The following NDUFA8 variants were observed in gnomAD, a reference collection of about 807,000 sequenced individuals.
NDUFA8 encodes NADH dehydrogenase [ubiquinone] 1 alpha subcomplex subunit 8.
Under a neutral mutation model 20.9 loss-of-function variants are expected in NDUFA8, and 16 were observed. The ratio of observed to expected loss-of-function variants is 0.77; its 90% CI spans 0.52 to 1.16. NDUFA8 has a LOEUF of 1.16. Ranked by LOEUF, NDUFA8 falls within the 50% of genes most tolerant of loss-of-function variation. The pLI is 0.00. For missense variants in NDUFA8, 202 were observed against 216.4 expected (o/e 0.93, Z 0.42); for synonymous variants, 70 against 76.1 (o/e 0.92, Z 0.41).
the NDUFA8 span, among the ~76,000 whole-genome samples, chr9:122,138,815 G>T: frequency 7.3e-6 from 1 of 137,094 alleles, no homozygotes; most frequent in African/African-American, 2.6e-5. Context: ...GCTTCACAAA[G>T]GAGACAAAAT....
chr9:122,136,623 C>G, the NDUFA8 span, among the ~76,000 whole-genome samples: 1 of 151,914 alleles, frequency 6.6e-6, no homozygotes, highest in African/African-American at 2.4e-5. Flanking sequence ...GTGGTGCAAT[C>G]TCGGCTCATT....
chr9:122,146,872 G>A (rs910069935), intron 3 of NDUFA8, among the ~76,000 whole-genome samples: 5 of 152,184 alleles, frequency 3.3e-5, no homozygotes, highest in African/African-American at 1.2e-4. Flanking sequence ...TTCCAGCCTA[G>A]GAGAGAGAGT....
At chr9:122,132,840 C>T in the NDUFA8 span, 3 of 439,444 alleles carry the variant, frequency 6.8e-6, no homozygotes, top group Non-Finnish European at 9.2e-6. Context: ...ATGGGCCTGG[C>T]TTCACGCATG....
intron 1 of NDUFA8, among the ~76,000 whole-genome samples, chr9:122,153,671 A>G (rs1236954169): frequency 6.6e-6 from 1 of 152,186 alleles, no homozygotes; most frequent in African/African-American, 2.4e-5. Flanking sequence ...CAATACCACA[A>G]TGTTTTAATT....
the NDUFA8 span, among the ~76,000 whole-genome samples, chr9:122,138,865 T>TGGGA: frequency 2.2e-5 from 2 of 89,384 alleles, no homozygotes; most frequent in Non-Finnish European, 4.4e-5. Flanking sequence ...CAAGAAGAGG[T>TGGGA]GGGGGGGGGG....
intron 1 of NDUFA8, 63 bp downstream of exon 1, chr9:122,159,564 T>C (rs1470036452): frequency 1.0e-5 from 16 of 1,602,382 alleles, no homozygotes; most frequent in Admixed American, 1.7e-5. Flanking sequence ...CAAGGGGGGC[T>C]AGGCCCAGGC....
At chr9:122,155,805 C>T (rs1829068599) in intron 1 of NDUFA8, among the ~76,000 whole-genome samples, 1 of 152,096 alleles carries the variant, frequency 6.6e-6, no homozygotes, top group Admixed American at 6.5e-5. Flanking sequence ...TATTCAAAGG[C>T]CCAAAACTAT....
In NDUFA8 at chr9:122,154,069, T is replaced by C. The variant is rs1290397399; in HGVS notation, c.52-1661A>G. Among the ~76,000 whole-genome samples the C allele has an allele frequency of 2.6e-5, 4 of 152,304 alleles. No individual in the cohort carries two copies. The East Asian group carries it at 5.8e-4, about 22-fold the overall frequency. On this transcript the variant is annotated intron_variant, in intron 1 of 3. Transcript: ENST00000373768. ...GTCATTAACATCTTTCTCAATAATT[T>C]TAAGAGCCCCTGAGTGGTCTGTGTG... is the stretch of plus-strand genomic sequence containing the variant.
At chr9:122,133,477 G>A in the NDUFA8 span, among the ~76,000 whole-genome samples, 4 of 152,204 alleles carry the variant, frequency 2.6e-5, no homozygotes, top group Non-Finnish European at 5.9e-5. Flanking sequence ...AGAATTAAAG[G>A]TGCAATCTCC....
At chr9:122,138,741 G>C in the NDUFA8 span, among the ~76,000 whole-genome samples, 2 of 142,446 alleles carry the variant, frequency 1.4e-5, no homozygotes, top group African/African-American at 6.0e-5. Context: ...CAGGTCATGC[G>C]CAGGGTGCTT....
chr9:122,159,733 C>A lies in NDUFA8; in HGVS notation c.-56G>T, dbSNP rs1038534000. 91 of 1,612,592 alleles carry A rather than the reference C, an allele frequency of 5.6e-5. No homozygotes were observed. In the Middle Eastern group the frequency reaches 3.0e-3, roughly 52 times the overall value. On this transcript the variant is annotated 5_prime_UTR_variant, in exon 1 of 4. In the 5' UTR this introduces an upstream ATG that the reference lacks. Transcript: ENST00000373768. ...CCCTCAGCCGCGTCGCCCCCGTCTC[C>A]TTGAACTCCCCTTTCGACCGCCGAG... is the stretch of plus-strand genomic sequence containing the variant.
At chr9:122,137,290 T>G in the NDUFA8 span, among the ~76,000 whole-genome samples, 1 of 125,340 alleles carries the variant, frequency 8.0e-6, no homozygotes, top group Non-Finnish European at 1.6e-5. Flanking sequence ...TCACCCAAGC[T>G]GGAGAGCAGT....
intron 1 of NDUFA8, 112 bp from the exon 2 acceptor site, chr9:122,152,520 C>G (rs1482416411): frequency 1.0e-6 from 1 of 962,292 alleles, no homozygotes; most frequent in African/African-American, 1.6e-5. Flanking sequence ...ACTGTTCTGA[C>G]TTTACCAAGA....
chr9:122,155,804 G>A (rs1171695094), intron 1 of NDUFA8, among the ~76,000 whole-genome samples: 2 of 151,990 alleles, frequency 1.3e-5, no homozygotes, highest in Non-Finnish European at 2.9e-5. Context: ...TTATTCAAAG[G>A]CCCAAAACTA....
chr9:122,138,498 A>G, the NDUFA8 span, among the ~76,000 whole-genome samples: 3 of 152,294 alleles, frequency 2.0e-5, no homozygotes, highest in East Asian at 5.8e-4. Context: ...TTAATCATTA[A>G]GGTAAAATCC....
At chr9:122,134,859 G>A in the NDUFA8 span, among the ~76,000 whole-genome samples, 1 of 152,148 alleles carries the variant, frequency 6.6e-6, no homozygotes, top group Non-Finnish European at 1.5e-5. Flanking sequence ...CCTGACACTG[G>A]ACTTGGCAAT....
At chr9:122,133,322 C>G in the NDUFA8 span, among the ~76,000 whole-genome samples, 1 of 152,204 alleles carries the variant, frequency 6.6e-6, no homozygotes, top group Non-Finnish European at 1.5e-5. Flanking sequence ...CTGTCCATGG[C>G]ACTGCTTCCT....
At chr9:122,146,608 G>A (rs910122465) in intron 3 of NDUFA8, among the ~76,000 whole-genome samples, 23 of 152,168 alleles carry the variant, frequency 1.5e-4, no homozygotes, top group African/African-American at 5.1e-4. Flanking sequence ...TATACACAAA[G>A]AGAAGGGAAC....
At position 122,159,478 on chromosome 9, in the gene NDUFA8, G is replaced by C. The variant is rs1829143510; in HGVS notation, c.51+149C>G. 7 of 904,340 alleles carry C rather than the reference G, an allele frequency of 7.7e-6. No individual in the cohort carries two copies. The South Asian group carries it at 8.1e-5, about 10-fold the overall frequency. 56.0% of individuals were successfully genotyped at this position (904,340 alleles called of 1,614,324 possible). A position where few individuals can be genotyped will look rare whatever the true frequency, so the allele number is the denominator to read the frequency against. ...GGAGGCGACTCCCAAAGCTGCGGAG[G>C]GGACCTCCGGGGGTCGACCTGTATA... On this transcript the variant is annotated intron_variant, in intron 1 of 3. Transcript: ENST00000373768.
Sources: allele counts gnomAD v4.1 joint callset (sites outside exome capture counted in the v4.1 genomes callset), GRCh38; gene constraint gnomAD v4.1.1; transcripts MANE v1.5; gene names NCBI Gene and HGNC (gene_info 2026-07-23, HGNC 2026-07-21).